GMEB1: variants seen among roughly 807,000 people sequenced by gnomAD.
GMEB1 encodes the protein glucocorticoid modulatory element binding protein 1.
GMEB1 carries 6 observed loss-of-function variants against 52.4 expected under a neutral mutation model. The ratio of observed to expected loss-of-function variants is 0.11; its 90% confidence interval spans 0.06 to 0.23. GMEB1 has a LOEUF of 0.23. GMEB1 is among the 10% of genes least tolerant of loss of function. The probability of loss-of-function intolerance (pLI) is 1.00; values close to 1 mark genes in which losing one functional copy is unlikely to be tolerated. For missense variants in GMEB1, 486 were observed against 685.6 expected (o/e 0.71, Z 3.25); for synonymous variants, 255 against 244.9 (o/e 1.04, Z -0.38).
intron 1 of GMEB1, among the ~76,000 whole-genome samples, chr1:28,676,926 C>T (rs2124460207): frequency 6.6e-6 from 1 of 152,076 alleles, no homozygotes; most frequent in Non-Finnish European, 1.5e-5. Context: ...TGGTGGCGGG[C>T]ACCTGTAATC....
Position 28,690,202 on chromosome 1 carries a change from T to TG in GMEB1, c.211+17dup, listed in dbSNP as rs371679865. ...GAAGGGATTGGTAAGGGTTTTTTTGTGTTTTTTTTTTTTTTTTTTTTTGTC... is the reference window on the plus strand; with the variant it reads ...GAAGGGATTGGTAAGGGTTTTTTTGTGGTTTTTTTTTTTTTTTTTTTTTGTC... On this transcript the variant is annotated intron_variant, in intron 3 of 9. Coordinates refer to ENST00000373816, the MANE Select transcript of GMEB1 (RefSeq NM_001319674.2). 41,123 of 814,644 alleles carry TG rather than the reference T, an allele frequency of 0.05. 793 individuals are homozygous for TG. Among genetic ancestry groups the TG allele is most frequent in the East Asian group, 0.15 (4,146 of 28,244 alleles). 50.5% of individuals were successfully genotyped at this position (814,644 alleles called of 1,614,324 possible).
chr1:28,701,759 T>A (rs1363399260), intron 6 of GMEB1, among the ~76,000 whole-genome samples: 1 of 151,800 alleles, frequency 6.6e-6, no homozygotes, highest in Non-Finnish European at 1.5e-5. Context: ...TGGGTTTTGC[T>A]ATGTTGCCCA....
chr1:28,693,099 A>G, intron 5 of GMEB1, 54 bp downstream of exon 5: 2 of 848,362 alleles, frequency 2.4e-6, no homozygotes, highest in Non-Finnish European at 1.8e-6. Flanking sequence ...GCACATAATC[A>G]TGCTAGAATC....
At chr1:28,672,148 A>C (rs143588892) in intron 1 of GMEB1, among the ~76,000 whole-genome samples, 93 of 151,566 alleles carry the variant, frequency 6.1e-4, no homozygotes, top group African/African-American at 2.1e-3. Context: ...GGGGTTAGAA[A>C]ATTTCAGAAA....
chr1:28,710,665 C>A, intron 9 of GMEB1, 23 bp downstream of exon 9: 1 of 1,478,878 alleles, frequency 6.8e-7, no homozygotes, highest in Non-Finnish European at 9.0e-7. Flanking sequence ...TATCGCTCTT[C>A]TTCGGTGATA....
At chr1:28,689,367 C>G (rs1170854729) in intron 2 of GMEB1, among the ~76,000 whole-genome samples, 1 of 152,004 alleles carries the variant, frequency 6.6e-6, no homozygotes, top group East Asian at 2.0e-4. Context: ...TGGCTCATGC[C>G]TGTAATACCA....
At chr1:28,682,849 T>C (rs1213862048) in intron 1 of GMEB1, among the ~76,000 whole-genome samples, 2 of 152,086 alleles carry the variant, frequency 1.3e-5, no homozygotes, top group Non-Finnish European at 2.9e-5. Context: ...GTGGAACTGG[T>C]AATGTGCTAC....
chr1:28,683,268 C>T (rs1200635714), intron 1 of GMEB1, among the ~76,000 whole-genome samples: 1 of 151,898 alleles, frequency 6.6e-6, no homozygotes, highest in Non-Finnish European at 1.5e-5. Flanking sequence ...TCTTGTTGCC[C>T]AGGCTGGGGT....
intron 8 of GMEB1, among the ~76,000 whole-genome samples, chr1:28,706,357 C>T (rs1670764885): frequency 6.6e-6 from 1 of 152,010 alleles, no homozygotes; most frequent in African/African-American, 2.4e-5. Flanking sequence ...GTAATCCCAG[C>T]ACTTTGGGAG....
chr1:28,709,918 G>A (rs1670966790), intron 8 of GMEB1, among the ~76,000 whole-genome samples: 1 of 152,082 alleles, frequency 6.6e-6, no homozygotes, highest in South Asian at 2.1e-4. Context: ...GGAGGCTGAG[G>A]TGGGTGGATC....
intron 8 of GMEB1, among the ~76,000 whole-genome samples, chr1:28,704,608 A>ATT (rs961425046): frequency 1.4e-5 from 2 of 145,438 alleles, no homozygotes; most frequent in African/African-American, 2.5e-5. Context: ...CACAAAAAAA[A>ATT]TTTTTTTTTT....
intron 6 of GMEB1, among the ~76,000 whole-genome samples, chr1:28,698,565 C>T (rs993020563): frequency 1.5e-4 from 22 of 151,424 alleles, no homozygotes; most frequent in African/African-American, 5.3e-4. Flanking sequence ...GTCCCAGCTA[C>T]TCGGGAGGCT....
At chr1:28,684,562 CAAA>C (rs35899215) in intron 2 of GMEB1, among the ~76,000 whole-genome samples, 2 of 103,000 alleles carry the variant, frequency 1.9e-5, no homozygotes, top group African/African-American at 4.1e-5. Context: ...GACTCCATCT[CAAA>C]AAAAAAAAAA....
intron 1 of GMEB1, among the ~76,000 whole-genome samples, chr1:28,683,382 C>T (rs1330645525): frequency 1.3e-5 from 2 of 152,124 alleles, no homozygotes; most frequent in South Asian, 2.1e-4. Context: ...CGCTCCACCA[C>T]GTACCCGGTT....
Position 28,697,095 on chromosome 1 carries a change from G to C in GMEB1, c.598+11G>C. ...CCACTTCGGCTGATGGTAGGGGGTA[G>C]GAAACCACCTGAAAACCCATTGTGT... is the stretch of plus-strand genomic sequence containing the variant. On this transcript the variant is annotated intron_variant, in intron 6 of 9. Coordinates refer to ENST00000373816, the MANE Select transcript of GMEB1 (RefSeq NM_001319674.2). 1.3e-6 allele frequency: 2 copies of C among 1,559,024 alleles called. No homozygotes were observed.
chr1:28,688,402 AAGG>A (rs1333376592), intron 2 of GMEB1, among the ~76,000 whole-genome samples: 1 of 152,200 alleles, frequency 6.6e-6, no homozygotes, highest in African/African-American at 2.4e-5. Flanking sequence ...CATTGATACA[AAGG>A]AGAATATTCA....
chr1:28,708,851 G>T (rs1253241117), intron 8 of GMEB1, among the ~76,000 whole-genome samples: 2 of 151,962 alleles, frequency 1.3e-5, no homozygotes, highest in Non-Finnish European at 2.9e-5. Context: ...CAAAAATTAG[G>T]CCGGTCGAGG....
rs753465128 is a variant in GMEB1, at chr1:28,702,580, A to T, written c.730+11A>T. 2 of 1,612,022 alleles carry T rather than the reference A, an allele frequency of 1.2e-6. No individual in the cohort carries two copies. The highest frequency in any genetic ancestry group is 2.7e-5 in the African/African-American group (2 of 74,990). On this transcript the variant is annotated intron_variant, in intron 7 of 9. Coordinates refer to ENST00000373816, the MANE Select transcript of GMEB1 (RefSeq NM_001319674.2). Reference sequence around the variant, plus strand: ...CAGAGGAAATTTCAGGTATTCTTCTATAGGGCTCAGATGTCTTGCAGGGTC... The same window carrying T: ...CAGAGGAAATTTCAGGTATTCTTCTTTAGGGCTCAGATGTCTTGCAGGGTC...
chr1:28,711,294 A>T (rs1671048297), intron 9 of GMEB1, among the ~76,000 whole-genome samples: 1 of 124,168 alleles, frequency 8.1e-6, no homozygotes, highest in Admixed American at 9.2e-5. Context: ...CTCAAAAAAA[A>T]AAAAAGAAAA....
Sources: gnomAD v4.1 joint callset for allele counts (sites outside exome capture counted in the v4.1 genomes callset) on GRCh38, gnomAD v4.1.1 for gene constraint, MANE v1.5 for transcripts, NCBI Gene and HGNC (gene_info 2026-07-23, HGNC 2026-07-21) for gene names.